Variants in DNAH9 observed in about 807,000 individuals in gnomAD.
DNAH9 encodes the protein dynein axonemal heavy chain 9, also known as DNAH9 variant protein.
DNAH9 carries 345 observed loss-of-function variants against 471.6 expected under a neutral mutation model. That is an observed-to-expected ratio of 0.73 (90% CI 0.67 to 0.80). The LOEUF is 0.80. DNAH9 is among the 30% of genes least tolerant of loss of function. The pLI, the probability that DNAH9 is intolerant of heterozygous loss-of-function variation, is 0.00. For missense variants in DNAH9, 5,407 were observed against 5,609.2 expected (o/e 0.96, Z 1.15); for synonymous variants, 2,093 against 2,123.6 (o/e 0.99, Z 0.40).
chr17:11,601,338 G>A (rs1567655107), intron 1 of DNAH9, among the ~76,000 whole-genome samples: 1 of 129,174 alleles, frequency 7.7e-6, no homozygotes, highest in East Asian at 2.8e-4. Context: ...GGGAAGAAGA[G>A]AGAAAGGAAG....
At chr17:11,808,009 T>C in intron 44 of DNAH9, 115 bp downstream of exon 44, 2 of 1,187,354 alleles carry the variant, frequency 1.7e-6, no homozygotes, top group African/African-American at 3.1e-5. Flanking sequence ...CTTCAATGTC[T>C]GTCCATTTCT....
chr17:11,898,827 A>G (rs1973305504), intron 59 of DNAH9, among the ~76,000 whole-genome samples: 1 of 152,238 alleles, frequency 6.6e-6, no homozygotes, highest in Non-Finnish European at 1.5e-5. Flanking sequence ...TACAAAGCTC[A>G]ACCCAAAAGC....
At chr17:11,933,834 G>A (rs752899403) in intron 64 of DNAH9, 46 bp from the exon 65 acceptor site, 18 of 1,570,634 alleles carry the variant, frequency 1.1e-5, no homozygotes, top group Middle Eastern at 1.8e-4. Flanking sequence ...CGACGCCTGT[G>A]TGGAGGTCTT....
intron 36 of DNAH9, among the ~76,000 whole-genome samples, chr17:11,766,546 GC>G (rs991798726): frequency 2.0e-4 from 31 of 152,300 alleles, no homozygotes; most frequent in African/African-American, 7.2e-4. Flanking sequence ...ACCACAGTAT[GC>G]CAGTAAAGTC....
chr17:11,620,295 A>G (rs1019715664), intron 6 of DNAH9, among the ~76,000 whole-genome samples: 10 of 152,096 alleles, frequency 6.6e-5, no homozygotes, highest in African/African-American at 2.4e-4. Flanking sequence ...CAGGTGGATC[A>G]TGAGGTCAGG....
chr17:11,859,612 G>C (rs761194100), intron 50 of DNAH9, among the ~76,000 whole-genome samples: 2 of 152,160 alleles, frequency 1.3e-5, no homozygotes, highest in Non-Finnish European at 2.9e-5. Flanking sequence ...TCGGCTCACA[G>C]TTCTGCAGGT....
intron 5 of DNAH9, 88 bp from the exon 6 acceptor site, chr17:11,619,460 C>G: frequency 1.3e-6 from 1 of 762,280 alleles, no homozygotes; most frequent in South Asian, 1.6e-5. Context: ...AAAAATATTA[C>G]TGGGGCAATG....
In DNAH9 at chr17:11,854,288, C is replaced by T; in HGVS notation, c.9793C>T (p.Leu3265Phe). The stretch of plus-strand genomic sequence containing the variant: ...CACCAAATCCTATGCGGCTGCAGGC[C>T]TCTGCTCCTGGGTCATCAATATTGT... ...VATKSYAAAGLCSWVINIVRF... is the reference protein window; with the variant it reads ...VATKSYAAAGFCSWVINIVRF... Residue 3265 changes from leucine (L) to phenylalanine (F), a missense_variant, in exon 50 of 69, where the codon CTC (leucine) becomes TTC (phenylalanine). Leu to Phe is a conservative substitution (Grantham distance 22, BLOSUM62 0). This residue lies in a region of DNAH9 where 4,636 missense variants were observed against 4,900.3 expected (regional missense o/e 0.95). Transcript: ENST00000262442. 1.2e-6 allele frequency: 2 copies of T among 1,614,158 alleles called. No homozygotes were observed. Among genetic ancestry groups the T allele is most frequent in the Non-Finnish European group, 1.7e-6 (2 of 1,180,032 alleles).
At chr17:11,757,735 A>G in intron 35 of DNAH9, 43 bp downstream of exon 35, 1 of 1,603,908 alleles carries the variant, frequency 6.2e-7, no homozygotes, top group East Asian at 2.2e-5. Context: ...AAGCAGCAAT[A>G]AAAAGCCCAT....
At chr17:11,713,425 G>A (rs1355806392) in intron 26 of DNAH9, among the ~76,000 whole-genome samples, 1 of 151,982 alleles carries the variant, frequency 6.6e-6, no homozygotes, top group Non-Finnish European at 1.5e-5. Flanking sequence ...CCCAGTAATG[G>A]GATGGCTGGG....
At chr17:11,882,934 T>C in intron 55 of DNAH9, 1 of 985,548 alleles carries the variant, frequency 1.0e-6, no homozygotes, top group Non-Finnish European at 1.2e-6. Flanking sequence ...TCAGGGTGGC[T>C]GTGGTTGGAA....
In DNAH9 at chr17:11,872,900, A is replaced by G. The variant is rs1020230790; in HGVS notation, c.10242+1114A>G. Among the ~76,000 whole-genome samples, 3 of 152,256 alleles carry G rather than the reference A, an allele frequency of 2.0e-5. No homozygotes were observed. The South Asian group carries it at 6.2e-4, about 31-fold the overall frequency. On this transcript the variant is annotated intron_variant, in intron 52 of 68. Coordinates refer to ENST00000262442, the MANE Select transcript of DNAH9 (RefSeq NM_001372.4). ...GCACCACTGCACTCCAGCCTGGGCG[A>G]CAGAGCGAGACTCCGTCTCAAAAAA... is the stretch of plus-strand genomic sequence containing the variant.
chr17:11,731,747 A>G (rs1278895719), intron 28 of DNAH9, among the ~76,000 whole-genome samples: 5 of 152,062 alleles, frequency 3.3e-5, no homozygotes, highest in Admixed American at 2.0e-4. Flanking sequence ...TTTTATGGCT[A>G]CGTAGTATTC....
At chr17:11,637,661 A>G (rs1055448507) in intron 9 of DNAH9, among the ~76,000 whole-genome samples, 2 of 152,234 alleles carry the variant, frequency 1.3e-5, no homozygotes, top group African/African-American at 4.8e-5. Context: ...AGCGCTTTGC[A>G]CATAGTGGGT....
chr17:11,818,274 C>T lies in DNAH9; in HGVS notation c.8708-3646C>T, dbSNP rs181088242. Among the ~76,000 whole-genome samples the T allele has an allele frequency of 5.4e-3, 814 of 152,102 alleles. 5 individuals are homozygous for T. The highest frequency in any genetic ancestry group is 9.1e-3 in the Non-Finnish European group (616 of 67,964). On this transcript the variant is annotated intron_variant, in intron 45 of 68. Coordinates refer to ENST00000262442, the MANE Select transcript of DNAH9 (RefSeq NM_001372.4). Reference sequence around the variant, plus strand: ...TGAAACCCCGTCTGTACTAAAAATACGAAAATTAGCTGGGCATGGTGGTGT... The same window carrying T: ...TGAAACCCCGTCTGTACTAAAAATATGAAAATTAGCTGGGCATGGTGGTGT...
intron 62 of DNAH9, among the ~76,000 whole-genome samples, chr17:11,929,554 G>A (rs1469709257): frequency 1.3e-5 from 2 of 152,170 alleles, no homozygotes; most frequent in Non-Finnish European, 2.9e-5. Context: ...CAAGAGATAA[G>A]AGTTTAACTG....
chr17:11,893,255 C>T (rs1407098625), intron 58 of DNAH9, among the ~76,000 whole-genome samples: 3 of 150,416 alleles, frequency 2.0e-5, no homozygotes, highest in Non-Finnish European at 4.4e-5. Flanking sequence ...GCTTTTCTCT[C>T]CCCTGTACAC....
chr17:11,620,701 A>C (rs975878523), intron 6 of DNAH9, among the ~76,000 whole-genome samples: 3 of 152,072 alleles, frequency 2.0e-5, no homozygotes, highest in African/African-American at 7.2e-5. Flanking sequence ...ACTGGGTTTC[A>C]AATAAACTCT....
At chr17:11,757,807 C>T (rs931167309) in intron 35 of DNAH9, 115 bp downstream of exon 35, 19 of 1,140,122 alleles carry the variant, frequency 1.7e-5, no homozygotes, top group Middle Eastern at 3.0e-4. Flanking sequence ...GTTCCCAGAG[C>T]GATCTCCTCC....
Sources: allele counts gnomAD v4.1 joint callset (sites outside exome capture counted in the v4.1 genomes callset), GRCh38; gene constraint gnomAD v4.1.1; regional missense constraint gnomAD v4.1.1; transcripts MANE v1.5; gene names NCBI Gene and HGNC (gene_info 2026-07-23, HGNC 2026-07-21).